TENM2: variants seen among roughly 807,000 people sequenced by gnomAD.
TENM2 encodes teneurin transmembrane protein 2, also known as teneurin-2.
A neutral mutation model predicts 245.2 loss-of-function variants in TENM2; 52 were observed. The ratio of observed to expected loss-of-function variants is 0.21; its 90% CI spans 0.17 to 0.27. The LOEUF is 0.27. TENM2 is among the 10% of genes least tolerant of loss of function. TENM2 has a pLI of 1.00. For synonymous variants in TENM2, 1,363 were observed against 1,438.9 expected (o/e 0.95, Z 1.19); for missense variants, 3,046 against 3,666.8 (o/e 0.83, Z 4.37).
intron 2 of TENM2, among the ~76,000 whole-genome samples, chr5:167,432,351 C>T (rs1216257165): frequency 6.6e-6 from 1 of 151,742 alleles, no homozygotes; most frequent in African/African-American, 2.4e-5. Flanking sequence ...ATCATTTCTT[C>T]TCCATACCGG....
intron 1 of TENM2, among the ~76,000 whole-genome samples, chr5:167,339,388 T>G (rs1034345604): frequency 6.6e-6 from 1 of 152,178 alleles, no homozygotes; most frequent in African/African-American, 2.4e-5. Context: ...GTCATCTCTA[T>G]TCCTGGTTTC....
At chr5:167,340,935 A>G (rs1304086753) in intron 1 of TENM2, among the ~76,000 whole-genome samples, 2 of 152,154 alleles carry the variant, frequency 1.3e-5, no homozygotes, top group Non-Finnish European at 2.9e-5. Context: ...GACAAGTCAG[A>G]ATGGAGAAGA....
At chr5:167,927,731 G>A (rs1777871426) in intron 3 of TENM2, among the ~76,000 whole-genome samples, 1 of 152,094 alleles carries the variant, frequency 6.6e-6, no homozygotes, top group Non-Finnish European at 1.5e-5. Flanking sequence ...CAGAGTGAGG[G>A]GACTCATTAG....
intron 2 of TENM2, among the ~76,000 whole-genome samples, chr5:167,712,035 G>A (rs1414370962): frequency 6.6e-6 from 1 of 152,148 alleles, no homozygotes; most frequent in Non-Finnish European, 1.5e-5. Context: ...TGTTAGCAGA[G>A]CATTCATCAT....
chr5:168,135,889 T>G (rs898104222), intron 12 of TENM2, among the ~76,000 whole-genome samples: 1 of 152,152 alleles, frequency 6.6e-6, no homozygotes, highest in Non-Finnish European at 1.5e-5. Flanking sequence ...TTTTGGGTTT[T>G]GGGCAGGGGT....
intron 12 of TENM2, among the ~76,000 whole-genome samples, chr5:168,143,336 T>G (rs1001702071): frequency 1.3e-5 from 2 of 152,076 alleles, no homozygotes; most frequent in African/African-American, 2.4e-5. Context: ...AAACAATACT[T>G]TATAAAAATT....
At chr5:167,263,480 C>T in the TENM2 span, among the ~76,000 whole-genome samples, 2 of 152,198 alleles carry the variant, frequency 1.3e-5, no homozygotes, top group Non-Finnish European at 2.9e-5. Flanking sequence ...ATTTTCATCT[C>T]TGGACAGAAT....
intron 1 of TENM2, among the ~76,000 whole-genome samples, chr5:167,293,368 ATTTTTTTTTTTTT>A (rs199972172): frequency 2.3e-5 from 3 of 130,542 alleles, no homozygotes; most frequent in African/African-American, 8.7e-5. Context: ...TGTCCGGCTA[ATTTTTTTTTTTTT>A]TTTTTTTTTG....
the TENM2 span, among the ~76,000 whole-genome samples, chr5:167,149,167 C>T: frequency 6.6e-6 from 1 of 152,080 alleles, no homozygotes; most frequent in Admixed American, 6.6e-5. Flanking sequence ...ATCCCTCCCC[C>T]CTCCACCCAC....
intron 2 of TENM2, among the ~76,000 whole-genome samples, chr5:167,575,441 AT>A (rs57840443): frequency 0.57 from 87,157 of 151,836 alleles, 26,681 homozygotes; most frequent in Middle Eastern, 0.71. Flanking sequence ...TGGAGATAAG[AT>A]TTTTTTCTTC....
rs1327470404 is a variant in TENM2, at chr5:167,776,658, TATATA to T, written c.503-99327_503-99323del. On this transcript the variant is annotated intron_variant, in intron 2 of 28. Transcript: ENST00000518659. ...ATATGTATCTATATATATATATATA[TATATA>T]TTTTTCATTAACCTTATGCTACACT... is the stretch of plus-strand genomic sequence containing the variant. Among the ~76,000 whole-genome samples the T allele has an allele frequency of 3.2e-3, 440 of 139,570 alleles. 4 individuals are homozygous for T. The highest frequency in any genetic ancestry group is 5.7e-3 in the African/African-American group (209 of 36,542). The allele number at this position is 139,570 out of a possible 152,430, so 91.6% of individuals were successfully genotyped here.
intron 2 of TENM2, among the ~76,000 whole-genome samples, chr5:167,655,012 A>G (rs1473678958): frequency 6.6e-6 from 1 of 152,198 alleles, no homozygotes; most frequent in Non-Finnish European, 1.5e-5. Context: ...TAAGTGCAAT[A>G]GGTTATAAAC....
chr5:168,051,821 T>C (rs558021939), intron 6 of TENM2, among the ~76,000 whole-genome samples: 62 of 152,340 alleles, frequency 4.1e-4, no homozygotes, highest in Non-Finnish European at 7.9e-4. Flanking sequence ...ATGACCCTTG[T>C]AAAACATTGC....
chr5:167,945,938 C>T (rs576131996), intron 3 of TENM2, among the ~76,000 whole-genome samples: 164 of 152,260 alleles, frequency 1.1e-3, no homozygotes, highest in Non-Finnish European at 2.6e-4. Flanking sequence ...CATCCCCCTT[C>T]TTGTTTCTCC....
chr5:168,085,366 ATT>A (rs989534326), intron 7 of TENM2: 1 of 152,134 alleles, frequency 6.6e-6, no homozygotes, highest in Non-Finnish European at 1.5e-5. Flanking sequence ...CATCTGCTTG[ATT>A]CTTGCCTGTG....
intron 2 of TENM2, among the ~76,000 whole-genome samples, chr5:167,597,077 T>A (rs1561585710): frequency 6.6e-6 from 1 of 151,946 alleles, no homozygotes. Flanking sequence ...TGATTTCTCC[T>A]GGCCCAAATA....
intron 5 of TENM2, among the ~76,000 whole-genome samples, chr5:168,022,929 C>T (rs1019519084): frequency 1.3e-5 from 2 of 152,130 alleles, no homozygotes; most frequent in South Asian, 2.1e-4. Flanking sequence ...ATCTCGCCTG[C>T]GCTATCTAGG....
chr5:168,220,031 G>A (rs1200930553), intron 23 of TENM2, among the ~76,000 whole-genome samples: 3 of 152,074 alleles, frequency 2.0e-5, no homozygotes, highest in African/African-American at 4.8e-5. Flanking sequence ...TCTTCTTTGG[G>A]CAACTCTTTC....
the TENM2 span, among the ~76,000 whole-genome samples, chr5:167,114,653 T>C: frequency 6.6e-6 from 1 of 152,268 alleles, no homozygotes; most frequent in Non-Finnish European, 1.5e-5. Context: ...TTATTTGCTT[T>C]CTTTTTAAAC....
Sources: allele counts gnomAD v4.1 joint callset (sites outside exome capture counted in the v4.1 genomes callset), GRCh38; gene constraint gnomAD v4.1.1; transcripts MANE v1.5; gene names NCBI Gene and HGNC (gene_info 2026-07-23, HGNC 2026-07-21).